Variants in LRBA observed in about 807,000 individuals in gnomAD.
LRBA encodes the protein LPS responsive beige-like anchor protein.
LRBA carries 176 observed loss-of-function variants against 330.0 expected under a neutral mutation model. That is an observed-to-expected ratio of 0.53 (90% CI 0.47 to 0.60). The LOEUF (loss-of-function observed/expected upper bound fraction) is 0.60. Ranked by LOEUF, LRBA falls within the 20% of genes least tolerant of loss-of-function variation. The probability of loss-of-function intolerance (pLI) is 0.00; values close to 1 mark genes in which losing one functional copy is unlikely to be tolerated. For missense variants in LRBA, 3,259 were observed against 3,444.8 expected (o/e 0.95, Z 1.35); for synonymous variants, 1,230 against 1,193.0 (o/e 1.03, Z -0.64).
chr4:150,519,640 T>A (rs1234809923), intron 40 of LRBA, among the ~76,000 whole-genome samples: 1 of 152,206 alleles, frequency 6.6e-6, no homozygotes, highest in Admixed American at 6.5e-5. Flanking sequence ...TTACTAAGAA[T>A]AAAGTTGATG....
At chr4:150,857,788 T>C (rs1751401808) in intron 22 of LRBA, among the ~76,000 whole-genome samples, 1 of 152,166 alleles carries the variant, frequency 6.6e-6, no homozygotes, top group African/African-American at 2.4e-5. Flanking sequence ...ACTTGAATCA[T>C]TTACACGGTC....
chr4:150,903,458 C>A (rs1488985839), intron 13 of LRBA, among the ~76,000 whole-genome samples: 1 of 152,034 alleles, frequency 6.6e-6, no homozygotes, highest in Admixed American at 6.6e-5. Flanking sequence ...TGAACAGAGG[C>A]TGGGCCTGAT....
intron 40 of LRBA, among the ~76,000 whole-genome samples, chr4:150,546,580 C>T (rs1469741071): frequency 6.6e-6 from 1 of 152,132 alleles, no homozygotes; most frequent in Non-Finnish European, 1.5e-5. Flanking sequence ...TGTGGATTTA[C>T]AAAAATACCA....
chr4:150,421,317 CAT>C (rs1274706184), intron 46 of LRBA, among the ~76,000 whole-genome samples: 117 of 142,578 alleles, frequency 8.2e-4, no homozygotes, highest in African/African-American at 1.9e-3. Context: ...TAAAGTATAA[CAT>C]ATAAATATAT....
intron 29 of LRBA, among the ~76,000 whole-genome samples, chr4:150,828,928 T>G (rs985846795): frequency 4.3e-5 from 6 of 140,042 alleles, no homozygotes; most frequent in African/African-American, 1.8e-4. Flanking sequence ...TGGGGGTGTG[T>G]GTGTGTGTGT....
chr4:150,756,538 C>T (rs762422460), intron 35 of LRBA, among the ~76,000 whole-genome samples: 1 of 152,050 alleles, frequency 6.6e-6, no homozygotes, highest in Admixed American at 6.5e-5. Context: ...ATGTAAGCAA[C>T]AGTGTTATGG....
At chr4:150,680,815 T>C (rs1371667024) in intron 37 of LRBA, among the ~76,000 whole-genome samples, 1 of 152,172 alleles carries the variant, frequency 6.6e-6, no homozygotes, top group East Asian at 1.9e-4. Flanking sequence ...CTGATTGTGA[T>C]TTATTAAAAC....
intron 2 of LRBA, among the ~76,000 whole-genome samples, chr4:150,996,069 CAAAAAA>C (rs34323309): frequency 2.4e-5 from 3 of 125,222 alleles, no homozygotes; most frequent in Non-Finnish European, 5.1e-5. Flanking sequence ...CAACAACAAC[CAAAAAA>C]AAAAAAAAAA....
Position 150,798,143 on chromosome 4 carries a change from C to G in LRBA, c.5519-1G>C. 1 of 1,593,740 alleles carries G rather than the reference C, an allele frequency of 6.3e-7. No individual in the cohort carries two copies. Among genetic ancestry groups the G allele is most frequent in the Non-Finnish European group, 8.6e-7 (1 of 1,161,674 alleles). On this transcript the variant is annotated splice_acceptor_variant, in intron 33 of 56. Coordinates refer to ENST00000651943, the MANE Select transcript of LRBA (RefSeq NM_001364905.1). LOFTEE classifies it high-confidence loss of function. ...CTACTCGACTTCATGCAAACCAGAC[C>G]TATTTTAAAGAGAATTTTAAAAAAG...
chr4:150,493,817 C>G (rs907100846), intron 40 of LRBA, among the ~76,000 whole-genome samples: 1 of 152,142 alleles, frequency 6.6e-6, no homozygotes, highest in Non-Finnish European at 1.5e-5. Context: ...ATAAGAAAAA[C>G]AAGAGCCAGG....
chr4:150,620,256 T>A (rs1319708065), intron 37 of LRBA, among the ~76,000 whole-genome samples: 1 of 152,096 alleles, frequency 6.6e-6, no homozygotes, highest in Non-Finnish European at 1.5e-5. Flanking sequence ...CACAATGAGA[T>A]ACCACCCTAC....
chr4:150,897,627 C>T lies in LRBA; in HGVS notation c.2004+112G>A, dbSNP rs150981719. 2.5e-3 allele frequency: 1,778 copies of T among 705,134 alleles called. 21 individuals are homozygous for T. Among genetic ancestry groups the T allele is most frequent in the African/African-American group, 0.017 (974 of 56,102 alleles). 43.7% of individuals were successfully genotyped at this position (705,134 alleles called of 1,614,324 possible). On this transcript the variant is annotated intron_variant, in intron 15 of 56. Transcript: ENST00000651943. ...TGGAAATATCTTTCAAAGTATTTTCCAATGTGTAACCACAGTAACCAAGCA... is the reference window on the plus strand; with the variant it reads ...TGGAAATATCTTTCAAAGTATTTTCTAATGTGTAACCACAGTAACCAAGCA...
chr4:150,802,984 T>C (rs1741893274), intron 33 of LRBA, among the ~76,000 whole-genome samples: 1 of 134,340 alleles, frequency 7.4e-6, no homozygotes, highest in Non-Finnish European at 1.5e-5. Flanking sequence ...ATCGCACCAC[T>C]GCACTCCAGC....
At chr4:150,951,827 A>T (rs1271297838) in intron 2 of LRBA, among the ~76,000 whole-genome samples, 1 of 152,202 alleles carries the variant, frequency 6.6e-6, no homozygotes, top group African/African-American at 2.4e-5. Context: ...ATTATATTCC[A>T]ATTAGACGTG....
intron 36 of LRBA, among the ~76,000 whole-genome samples, chr4:150,727,577 C>T (rs1014785467): frequency 2.6e-5 from 4 of 152,008 alleles, no homozygotes; most frequent in Admixed American, 2.6e-4. Flanking sequence ...AAAAACTATA[C>T]AAATATATTG....
At chr4:150,768,795 A>T (rs1647698106) in intron 34 of LRBA, among the ~76,000 whole-genome samples, 1 of 152,184 alleles carries the variant, frequency 6.6e-6, no homozygotes. Flanking sequence ...AAAACGACTC[A>T]TAGAAAACAG....
intron 47 of LRBA, among the ~76,000 whole-genome samples, chr4:150,397,650 T>C (rs1744918769): frequency 6.6e-6 from 1 of 152,204 alleles, no homozygotes; most frequent in Non-Finnish European, 1.5e-5. Flanking sequence ...TGCAGTAGTA[T>C]AATTTTATCA....
chr4:150,968,657 C>G (rs1220633819), intron 2 of LRBA, among the ~76,000 whole-genome samples: 2 of 152,130 alleles, frequency 1.3e-5, no homozygotes, highest in Non-Finnish European at 2.9e-5. Flanking sequence ...CTCCATAACA[C>G]AAAATGCAAG....
rs568599284 is a variant in LRBA, at chr4:150,508,070, G to C, written c.6331-17035C>G. Among the ~76,000 whole-genome samples, 279 of 121,762 alleles carry C rather than the reference G, an allele frequency of 2.3e-3. 2 individuals are homozygous for C. The highest frequency in any genetic ancestry group is 9.4e-3 in the Middle Eastern group (2 of 212). The allele number at this position is 121,762 out of a possible 152,430, so 79.9% of individuals were successfully genotyped here. On this transcript the variant is annotated intron_variant, in intron 40 of 56. Transcript: ENST00000651943. ...AGGAAGGGGAACATCACAAACCGGGGACTGTTGTGGGGTGGGGGGAGGGGA... is the reference window on the plus strand; with the variant it reads ...AGGAAGGGGAACATCACAAACCGGGCACTGTTGTGGGGTGGGGGGAGGGGA...
Sources: gnomAD v4.1 joint callset for allele counts (sites outside exome capture counted in the v4.1 genomes callset) on GRCh38, gnomAD v4.1.1 for gene constraint, MANE v1.5 for transcripts, NCBI Gene and HGNC (gene_info 2026-07-23, HGNC 2026-07-21) for gene names.